The following SLC8A3 variants were observed in gnomAD, a reference collection of about 807,000 sequenced individuals.
SLC8A3 encodes the protein sodium/calcium exchanger 3.
Under a neutral mutation model 65.4 loss-of-function variants are expected in SLC8A3, and 37 were observed. The ratio of observed to expected loss-of-function variants is 0.57; its 90% CI spans 0.44 to 0.74. SLC8A3 has a LOEUF of 0.74. Among genes scored for constraint, SLC8A3 ranks in the 30% least tolerant of loss-of-function variants. The pLI, the probability that SLC8A3 is intolerant of heterozygous loss-of-function variation, is 0.00. For synonymous variants in SLC8A3, 461 were observed against 444.5 expected, an observed-to-expected ratio of 1.04 and a Z score of -0.47; for missense variants, 1,112 against 1,172.1, an observed-to-expected ratio of 0.95 and a Z score of 0.75.
intron 2 of SLC8A3, among the ~76,000 whole-genome samples, chr14:70,077,004 GT>G (rs1566761367): frequency 6.6e-6 from 1 of 152,128 alleles, no homozygotes; most frequent in East Asian, 1.9e-4. Context: ...ACCTAACAGG[GT>G]TTTTGAGAGG....
chr14:70,066,790 G>A (rs1020857322), intron 2 of SLC8A3, among the ~76,000 whole-genome samples: 23 of 152,112 alleles, frequency 1.5e-4, no homozygotes, highest in African/African-American at 5.6e-4. Flanking sequence ...CAGCCTGGGC[G>A]ACAGAGTGAG....
Position 70,168,135 on chromosome 14 carries a change from G to A in SLC8A3, c.288C>T (p.Asp96=). Residue 96 remains aspartate (D), a synonymous_variant, in exon 2 of 7, where the codon GAC becomes GAT. Transcript: ENST00000356921. ...TGACTTCAATAGATGCCATGAAGCG[G>A]TCAGCAATGATGGACACCCCAAGGA... is the stretch of plus-strand genomic sequence containing the variant. ...YMFLGVSIIA[D]RFMASIEVIT... is the part of the protein sequence containing the mutation. 2.5e-6 allele frequency: 4 copies of A among 1,614,138 alleles called. No homozygotes were observed. The highest frequency in any genetic ancestry group is 3.4e-6 in the Non-Finnish European group (4 of 1,180,028).
In SLC8A3 at chr14:70,073,807, G is replaced by C. The variant is rs79315275; in HGVS notation, c.1785-12868C>G. ...CAAAACCTTCTAATAATTAGGAAGA[G>C]AGAGGAGCTGGCTCTTCAGGACTTG... On this transcript the variant is annotated intron_variant, in intron 2 of 6. Transcript: ENST00000356921. 6.0e-3 allele frequency among the ~76,000 whole-genome samples: 917 copies of C among 152,288 alleles called. 1 individual carries two copies. Among genetic ancestry groups the C allele is most frequent in the Middle Eastern group, 0.014 (4 of 294 alleles).
At chr14:70,090,528 A>G (rs1332875498) in intron 2 of SLC8A3, among the ~76,000 whole-genome samples, 1 of 152,190 alleles carries the variant, frequency 6.6e-6, no homozygotes, top group Non-Finnish European at 1.5e-5. Flanking sequence ...TAAAGTCACA[A>G]TTATCTTTCA....
rs144672026 is a variant in SLC8A3, at chr14:70,187,332, G to GGA, written c.-63+1045_-63+1046dup. Reference sequence around the variant, plus strand: ...AAGAGAAGAGAAGCGGGGGGCGGGGGGAGAGAGAGAGAGAGAGAGAAGGAA... The same window carrying GGA: ...AAGAGAAGAGAAGCGGGGGGCGGGGGGAGAGAGAGAGAGAGAGAGAGAAGGAA... On this transcript the variant is annotated intron_variant, in intron 1 of 6. Transcript: ENST00000356921. The GGA allele has an allele frequency of 2.1e-3, 329 of 154,286 alleles. 1 individual carries two copies. The highest frequency in any genetic ancestry group is 2.4e-3 in the Non-Finnish European group (174 of 71,820). The allele number at this position is 154,286 out of a possible 1,614,324, so 9.6% of individuals were successfully genotyped here. A position where few individuals can be genotyped will look rare whatever the true frequency, so the allele number is the denominator to read the frequency against.
At chr14:70,183,509 A>G (rs11622807) in intron 1 of SLC8A3, among the ~76,000 whole-genome samples, 25,939 of 152,020 alleles carry the variant, frequency 0.17, 2,497 homozygotes, top group Admixed American at 0.26. Context: ...TTTGCTCTGC[A>G]GTTCAGTTGG....
intron 2 of SLC8A3, among the ~76,000 whole-genome samples, chr14:70,084,442 G>T (rs1475342546): frequency 1.3e-5 from 2 of 152,176 alleles, no homozygotes; most frequent in East Asian, 3.9e-4. Flanking sequence ...CACCCTGCTG[G>T]TCATTATTCA....
intron 2 of SLC8A3, among the ~76,000 whole-genome samples, chr14:70,163,021 C>T (rs763983096): frequency 2.0e-5 from 3 of 152,188 alleles, no homozygotes; most frequent in Non-Finnish European, 4.4e-5. Context: ...CCCTTTGATC[C>T]TCTCCACTTG....
At chr14:70,132,129 T>G (rs2140236173) in intron 2 of SLC8A3, among the ~76,000 whole-genome samples, 1 of 152,352 alleles carries the variant, frequency 6.6e-6, no homozygotes, top group East Asian at 1.9e-4. Context: ...TCTGTTTGGT[T>G]GCAATGAATT....
At chr14:70,086,698 T>C (rs1255851722) in intron 2 of SLC8A3, among the ~76,000 whole-genome samples, 2 of 152,118 alleles carry the variant, frequency 1.3e-5, no homozygotes, top group Non-Finnish European at 2.9e-5. Context: ...CCAATTTCTT[T>C]CTTTTTTTTT....
chr14:70,082,627 C>T (rs1891134699), intron 2 of SLC8A3, among the ~76,000 whole-genome samples: 1 of 152,134 alleles, frequency 6.6e-6, no homozygotes, highest in South Asian at 2.1e-4. Context: ...CACGTGGCAC[C>T]CAGCACATAC....
intron 2 of SLC8A3, among the ~76,000 whole-genome samples, chr14:70,084,573 T>C (rs1317183122): frequency 6.6e-6 from 1 of 152,230 alleles, no homozygotes; most frequent in Non-Finnish European, 1.5e-5. Context: ...TTTTCTCACA[T>C]GCACACATTT....
At chr14:70,117,644 T>A (rs554064059) in intron 2 of SLC8A3, among the ~76,000 whole-genome samples, 123 of 152,338 alleles carry the variant, frequency 8.1e-4, no homozygotes, top group South Asian at 2.5e-3. Flanking sequence ...GGGGCATTGC[T>A]GTCTCTAGAG....
At chr14:70,144,253 C>T in intron 2 of SLC8A3, among the ~76,000 whole-genome samples, 1 of 143,922 alleles carries the variant, frequency 6.9e-6, no homozygotes, top group East Asian at 2.0e-4. Flanking sequence ...CTCCATGTGA[C>T]ACAAAGAGTT....
chr14:70,158,564 C>A (rs981403332), intron 2 of SLC8A3, among the ~76,000 whole-genome samples: 1 of 152,120 alleles, frequency 6.6e-6, no homozygotes, highest in Non-Finnish European at 1.5e-5. Flanking sequence ...GGTTTCTATA[C>A]ACTCCACAAA....
At chr14:70,154,195 T>C (rs1039107718) in intron 2 of SLC8A3, among the ~76,000 whole-genome samples, 1 of 152,258 alleles carries the variant, frequency 6.6e-6, no homozygotes, top group Non-Finnish European at 1.5e-5. Context: ...GGGAGCCTGC[T>C]ACTTCCAGCT....
In SLC8A3 at chr14:70,082,779, T is replaced by C. The variant is rs117295691; in HGVS notation, c.1785-21840A>G. On this transcript the variant is annotated intron_variant, in intron 2 of 6. Transcript: ENST00000356921. ...CCTCTGAACCAAAGGGAAAATGAAATTGAAGGAGGCCAAGGAATTATGGGC... is the reference window on the plus strand; with the variant it reads ...CCTCTGAACCAAAGGGAAAATGAAACTGAAGGAGGCCAAGGAATTATGGGC... Among the ~76,000 whole-genome samples the C allele has an allele frequency of 2.3e-4, 35 of 152,220 alleles. No individual in the cohort carries two copies. The East Asian group carries it at 6.6e-3, about 29-fold the overall frequency.
At chr14:70,169,076 T>C (rs61978185) in intron 1 of SLC8A3, among the ~76,000 whole-genome samples, 23,055 of 152,064 alleles carry the variant, frequency 0.15, 1,842 homozygotes, top group Middle Eastern at 0.18. Context: ...TCTCAATCGA[T>C]TTTGAAATGA....
At chr14:70,108,546 A>C (rs1047703103) in intron 2 of SLC8A3, among the ~76,000 whole-genome samples, 13 of 152,116 alleles carry the variant, frequency 8.5e-5, no homozygotes, top group Non-Finnish European at 1.5e-4. Flanking sequence ...ACTTCTACAG[A>C]TGGATCACTG....
Sources: gnomAD v4.1 joint callset for allele counts (sites outside exome capture counted in the v4.1 genomes callset) on GRCh38, gnomAD v4.1.1 for gene constraint, MANE v1.5 for transcripts, NCBI Gene and HGNC (gene_info 2026-07-23, HGNC 2026-07-21) for gene names.